IMMT: variants seen among roughly 807,000 people sequenced by gnomAD.
IMMT encodes the protein MICOS complex subunit MIC60.
In IMMT, 40 loss-of-function variants were observed where a neutral mutation model predicts 92.7. The ratio of observed to expected loss-of-function variants is 0.43; its 90% confidence interval spans 0.34 to 0.56. IMMT has a LOEUF of 0.56. IMMT is among the 20% of genes least tolerant of loss of function. The pLI, the probability that IMMT is intolerant of heterozygous loss-of-function variation, is 0.03. For synonymous variants in IMMT, 322 were observed against 336.1 expected, an observed-to-expected ratio of 0.96 and a Z score of 0.46; for missense variants, 831 against 912.1, an observed-to-expected ratio of 0.91 and a Z score of 1.14.
chr2:86,180,735 A>C (rs546601755), intron 2 of IMMT, among the ~76,000 whole-genome samples: 114 of 151,956 alleles, frequency 7.5e-4, no homozygotes, highest in African/African-American at 2.6e-3. Context: ...AAAAATACAA[A>C]AATTAGTTGG....
chr2:86,192,575 T>C (rs1234492013), intron 1 of IMMT, among the ~76,000 whole-genome samples: 5 of 152,196 alleles, frequency 3.3e-5, no homozygotes, highest in Non-Finnish European at 5.9e-5. Context: ...GCAGTAAATA[T>C]GGACACAGTT....
At chr2:86,189,640 C>G (rs930700881) in intron 1 of IMMT, among the ~76,000 whole-genome samples, 15 of 152,196 alleles carry the variant, frequency 9.9e-5, no homozygotes, top group Admixed American at 3.9e-4. Context: ...GTTTCCTCCA[C>G]AGACTGCTGG....
intron 13 of IMMT, 23 bp from the exon 14 acceptor site, chr2:86,146,220 C>A (rs772454563): frequency 3.1e-5 from 50 of 1,587,422 alleles, no homozygotes; most frequent in Non-Finnish European, 4.2e-5. Flanking sequence ...AGAAATAGTT[C>A]CAGAAAAAAG....
intron 12 of IMMT, among the ~76,000 whole-genome samples, chr2:86,150,577 G>A (rs148548389): frequency 6.6e-6 from 1 of 152,276 alleles, no homozygotes; most frequent in East Asian, 1.9e-4. Context: ...TTTAATAAAT[G>A]GTGTGCCCAG....
At chr2:86,151,598 AT>A in intron 11 of IMMT, 78 bp from the exon 12 acceptor site, 1 of 1,064,976 alleles carries the variant, frequency 9.4e-7, no homozygotes, top group Non-Finnish European at 1.4e-6. Flanking sequence ...GCATCAACTG[AT>A]TATAATTTAA....
Position 86,144,449 on chromosome 2 carries a change from T to C in IMMT, c.2096A>G (p.Glu699Gly). 1 of 1,613,998 alleles carries C rather than the reference T, an allele frequency of 6.2e-7. No homozygotes were observed. Among genetic ancestry groups the C allele is most frequent in the South Asian group, 1.1e-5 (1 of 91,080 alleles). ...TGCTGCTAGCTCCAGATCACCATGC[T>C]CAATGCAATAGGAAGCATATGACAG... ...KLLSYASYCI[E>G]HGDLELAAKF... Residue 699 changes from glutamate (E) to glycine (G), a missense_variant, in exon 15 of 15, where the codon GAG becomes GGG. Physicochemically the swap from Glu to Gly is moderately conservative, Grantham distance 98. Transcript: ENST00000410111.
In IMMT at chr2:86,144,333, C is replaced by G; in HGVS notation, c.2212G>C (p.Val738Leu). 6.2e-7 allele frequency: 1 copy of G among 1,613,990 alleles called. No individual in the cohort carries two copies. The highest frequency in any genetic ancestry group is 8.5e-7 in the Non-Finnish European group (1 of 1,179,890). The change falls in exon 15 of 15, where the codon GTG becomes CTG. Residue 738 changes from valine (V) to leucine (L), a missense_variant. Physicochemically the swap from Val to Leu is conservative, Grantham distance 32. Coordinates refer to ENST00000410111, the MANE Select transcript of IMMT (RefSeq NM_006839.3). ...CTGGCATATGCTGTCAGGATTTCCACTATCTGTTTCGTTTCTAGGGTCATT... is the reference window on the plus strand; with the variant it reads ...CTGGCATATGCTGTCAGGATTTCCAGTATCTGTTTCGTTTCTAGGGTCATT... Reference protein sequence around the residue: ...ARMTLETKQIVEILTAYASAV... With the variant: ...ARMTLETKQILEILTAYASAV...
chr2:86,151,685 G>C (rs1675479149), intron 11 of IMMT, among the ~76,000 whole-genome samples, 165 bp from the exon 12 acceptor site: 1 of 152,208 alleles, frequency 6.6e-6, no homozygotes, highest in African/African-American at 2.4e-5. Context: ...AAATTGGCTA[G>C]TGTCCAATAA....
intron 3 of IMMT, among the ~76,000 whole-genome samples, chr2:86,174,988 G>A (rs1452950862): frequency 6.6e-6 from 1 of 152,108 alleles, no homozygotes; most frequent in East Asian, 1.9e-4. Flanking sequence ...GGAATTGTTG[G>A]GTCAAAGGGG....
chr2:86,164,661 A>G (rs1295792813), intron 7 of IMMT, among the ~76,000 whole-genome samples: 3 of 143,530 alleles, frequency 2.1e-5, no homozygotes, highest in African/African-American at 7.6e-5. Context: ...ACTGCACTAC[A>G]GCCTGGTGAC....
intron 8 of IMMT, 58 bp downstream of exon 8, chr2:86,161,918 G>A (rs373080524): frequency 4.7e-5 from 51 of 1,089,882 alleles, no homozygotes; most frequent in Middle Eastern, 2.9e-4. Context: ...AAGAAAACCC[G>A]GCCCAAAGAA....
rs193135745 is a variant in IMMT, at chr2:86,158,273, G to C, written c.1162+319C>G. The C allele has an allele frequency of 1.7e-4, 32 of 186,398 alleles. No individual in the cohort carries two copies. In the Middle Eastern group the frequency reaches 7.3e-3, roughly 43 times the overall value. 11.5% of individuals were successfully genotyped at this position (186,398 alleles called of 1,614,324 possible). A position where few individuals can be genotyped will look rare whatever the true frequency, so the allele number is the denominator to read the frequency against. On this transcript the variant is annotated intron_variant, in intron 10 of 14. Coordinates refer to ENST00000410111, the MANE Select transcript of IMMT (RefSeq NM_006839.3). ...ATACATATACAATAATATTTCAGTAGTGTCAAGGTTATAATGTCACTTTTG... is the reference window on the plus strand; with the variant it reads ...ATACATATACAATAATATTTCAGTACTGTCAAGGTTATAATGTCACTTTTG...
At chr2:86,168,541 T>C (rs1476136399) in intron 6 of IMMT, among the ~76,000 whole-genome samples, 1 of 152,144 alleles carries the variant, frequency 6.6e-6, no homozygotes, top group African/African-American at 2.4e-5. Flanking sequence ...GAAAATCGCT[T>C]GAACCTGGGA....
intron 1 of IMMT, among the ~76,000 whole-genome samples, chr2:86,192,357 T>A (rs1002868239): frequency 6.6e-6 from 1 of 151,460 alleles, no homozygotes; most frequent in Non-Finnish European, 1.5e-5. Context: ...TTAAGAAAAA[T>A]TCCACTTTGG....
chr2:86,195,136 C>A, intron 1 of IMMT: 2 of 512,256 alleles, frequency 3.9e-6, no homozygotes, highest in South Asian at 6.7e-5. Context: ...CACCCCACCC[C>A]GCTGCTGCAA....
At chr2:86,191,344 C>CA (rs35278001) in intron 1 of IMMT, among the ~76,000 whole-genome samples, 55,867 of 121,686 alleles carry the variant, frequency 0.46, 12,490 homozygotes, top group Non-Finnish European at 0.53. Context: ...GACCCTATCT[C>CA]AAAAAAAAAA....
chr2:86,168,365 G>A (rs908152574), intron 6 of IMMT, among the ~76,000 whole-genome samples: 1 of 152,352 alleles, frequency 6.6e-6, no homozygotes, highest in South Asian at 2.1e-4. Context: ...GCTCACGCCT[G>A]TAATCCCAGC....
At chr2:86,167,231 G>A (rs1450935066) in intron 6 of IMMT, among the ~76,000 whole-genome samples, 1 of 142,746 alleles carries the variant, frequency 7.0e-6, no homozygotes, top group East Asian at 2.1e-4. Flanking sequence ...GAGTGCAGTG[G>A]CGCGATCTCG....
chr2:86,195,051 A>C, intron 1 of IMMT: 2 of 378,902 alleles, frequency 5.3e-6, no homozygotes, highest in East Asian at 4.0e-5. Flanking sequence ...AGCAGCCAGG[A>C]TTGGTCCTGG....
Sources: allele counts gnomAD v4.1 joint callset (sites outside exome capture counted in the v4.1 genomes callset), GRCh38; gene constraint gnomAD v4.1.1; transcripts MANE v1.5; gene names NCBI Gene and HGNC (gene_info 2026-07-23, HGNC 2026-07-21).